Variants in AP3B2 observed in about 807,000 individuals in gnomAD.
The protein encoded by AP3B2 is adaptor related protein complex 3 subunit beta 2, also known as AP-3 complex subunit beta-2.
A neutral mutation model predicts 126.9 loss-of-function variants in AP3B2; 50 were observed. The ratio of observed to expected loss-of-function variants is 0.39; its 90% CI spans 0.31 to 0.50. The LOEUF (loss-of-function observed/expected upper bound fraction) is 0.50. Among genes scored for constraint, AP3B2 ranks in the 20% least tolerant of loss-of-function variants. The pLI, the probability that AP3B2 is intolerant of heterozygous loss-of-function variation, is 0.79. For missense variants in AP3B2, 1,177 were observed against 1,426.4 expected (o/e 0.83, Z 2.82); for synonymous variants, 541 against 565.0 (o/e 0.96, Z 0.60).
Position 82,661,936 on chromosome 15 carries a change from G to A in AP3B2, c.2919-14C>T, listed in dbSNP as rs1306960859. 6.2e-7 allele frequency: 1 copy of A among 1,607,646 alleles called. No homozygotes were observed. The highest frequency in any genetic ancestry group is 1.1e-5 in the South Asian group (1 of 90,600). Reference sequence around the variant, plus strand: ...CGGGTCTGGGTGCTGGGAGGGGTGGGAGGAAACGGAGAAGAATTAAGGCTG... The same window carrying A: ...CGGGTCTGGGTGCTGGGAGGGGTGGAAGGAAACGGAGAAGAATTAAGGCTG... On this transcript the variant is annotated splice_polypyrimidine_tract_variant and intron_variant, in intron 24 of 26. Transcript: ENST00000535359.
In AP3B2 at chr15:82,661,888, G is replaced by T; in HGVS notation, c.2953C>A (p.Pro985Thr). The T allele has an allele frequency of 6.2e-7, 1 of 1,613,922 alleles. No homozygotes were observed. The highest frequency in any genetic ancestry group is 8.5e-7 in the Non-Finnish European group (1 of 1,179,876). The part of the protein sequence containing the change: ...QTRQFYVSIQ[P>T]PVGELMAPVF... ...GGGGCCATCAGCTCCCCAACAGGTG[G>T]CTGAATGGAGACGTAGAACTGTCGG... Residue 985 changes from proline (P) to threonine (T), a missense_variant, in exon 25 of 27, where the codon CCA (proline) becomes ACA (threonine). This residue lies in a region of AP3B2 where 587 missense variants were observed against 571.3 expected (regional missense o/e 1.03). Coordinates refer to ENST00000535359, the MANE Select transcript of AP3B2 (RefSeq NM_001278512.2).
rs1209750362 is a variant in AP3B2 at position 82,682,091 on chromosome 15, C to T, written c.361-511G>A. Among the ~76,000 whole-genome samples the T allele has an allele frequency of 3.3e-5, 4 of 121,660 alleles. No individual in the cohort carries two copies. In the Admixed American group the frequency reaches 4.6e-4, roughly 14 times the overall value. 79.8% of individuals were successfully genotyped at this position (121,660 alleles called of 152,430 possible). ...TTTTTGAGATGGAGTCTCGCTCTGT[C>T]GCCAGGCTGGAGTGCGGTGGTGCAA... On this transcript the variant is annotated intron_variant, in intron 4 of 26. Coordinates refer to ENST00000535359, the MANE Select transcript of AP3B2 (RefSeq NM_001278512.2).
intron 14 of AP3B2, among the ~76,000 whole-genome samples, chr15:82,671,768 G>A (rs975620415): frequency 2.0e-5 from 3 of 150,026 alleles, no homozygotes; most frequent in African/African-American, 4.9e-5. Flanking sequence ...AATAGGCCAG[G>A]TGCAGTGGCT....
chr15:82,666,936 G>A lies in AP3B2; in HGVS notation c.1666-3C>T. 2 of 1,606,240 alleles carry A rather than the reference G, an allele frequency of 1.2e-6. No homozygotes were observed. Among genetic ancestry groups the A allele is most frequent in the Non-Finnish European group, 1.7e-6 (2 of 1,173,832 alleles). ...ACATACTGGGTCAGCAGCTTGGTCT[G>A]GAGGAACAGGAAGAGGTGGGTCAGC... On this transcript the variant is annotated splice_polypyrimidine_tract_variant and splice_region_variant and intron_variant, in intron 14 of 26. Transcript: ENST00000535359.
chr15:82,672,159 G>A (rs2048170036), intron 14 of AP3B2, among the ~76,000 whole-genome samples: 1 of 152,152 alleles, frequency 6.6e-6, no homozygotes, highest in Non-Finnish European at 1.5e-5. Context: ...GCACACCTAC[G>A]TTTATTGCAG....
rs1379156241 is a variant in AP3B2, at chr15:82,662,875, C to T, written c.2652G>A (p.Arg884=). Residue 884 remains arginine (R), a synonymous_variant, in exon 23 of 27, where the codon CGG becomes CGA. Transcript: ENST00000535359. The part of the protein sequence containing the change: ...SGVGRQELLH[R]VAGEGLAVDY... ...CCACAGCCAGCCCCTCGCCAGCTAC[C>T]CGGTGCAGCAGCTCCTGCCGCCCAA... 4.3e-6 allele frequency: 7 copies of T among 1,613,558 alleles called. No individual in the cohort carries two copies. The highest frequency in any genetic ancestry group is 5.9e-6 in the Non-Finnish European group (7 of 1,179,788).
chr15:82,672,845 G>C (rs971306198), intron 14 of AP3B2, among the ~76,000 whole-genome samples: 1 of 152,206 alleles, frequency 6.6e-6, no homozygotes, highest in Non-Finnish European at 1.5e-5. Flanking sequence ...ATCCGTGTTG[G>C]GAGGCCCCTA....
intron 1 of AP3B2, chr15:82,708,924 T>G (rs955920431): frequency 6.6e-6 from 1 of 152,262 alleles, no homozygotes; most frequent in African/African-American, 2.4e-5. Flanking sequence ...ATGTTCACAG[T>G]TGTATTCCGT....
intron 1 of AP3B2, among the ~76,000 whole-genome samples, chr15:82,700,730 C>A (rs1452130704): frequency 2.6e-5 from 4 of 151,740 alleles, no homozygotes; most frequent in African/African-American, 9.7e-5. Flanking sequence ...TTTGAAACCC[C>A]TTTGACCCTC....
Position 82,663,823 on chromosome 15 carries a change from G to C in AP3B2, c.2414C>G (p.Pro805Arg), listed in dbSNP as rs754439282. 1.9e-6 allele frequency: 3 copies of C among 1,613,526 alleles called. No homozygotes were observed. Among genetic ancestry groups the C allele is most frequent in the Non-Finnish European group, 2.5e-6 (3 of 1,179,736 alleles). ...TSESEEEQLE[P>R]ASWSRKTPPS... Reference sequence around the variant, plus strand: ...CACTGTTTTCCTGCTCCAGGAGGCAGGTTCTAACTGCTCCTCCTCGGACTC... The same window carrying C: ...CACTGTTTTCCTGCTCCAGGAGGCACGTTCTAACTGCTCCTCCTCGGACTC... The change falls in exon 20 of 27, where the codon CCT (proline) becomes CGT (arginine). Residue 805 changes from proline to arginine, a missense_variant. Physicochemically the swap from Pro to Arg is moderately radical, Grantham distance 103. This residue lies in a region of AP3B2 where 587 missense variants were observed against 571.3 expected (regional missense o/e 1.03). Coordinates refer to ENST00000535359, the MANE Select transcript of AP3B2 (RefSeq NM_001278512.2).
In AP3B2 at chr15:82,664,427, C is replaced by G; in HGVS notation, c.2201G>C (p.Ser734Thr). The G allele has an allele frequency of 6.2e-7, 1 of 1,613,956 alleles. No individual in the cohort carries two copies. Among genetic ancestry groups the G allele is most frequent in the Non-Finnish European group, 8.5e-7 (1 of 1,179,876 alleles). Residue 734 changes from serine (S) to threonine (T), a missense_variant, in exon 19 of 27, where the codon AGC becomes ACC. By Grantham distance (58) the Ser-to-Thr change is moderately conservative. Around this residue, in one of 5 missense-constraint regions of AP3B2, gnomAD observed 587 missense variants for 571.3 expected, o/e 1.03. Transcript: ENST00000535359. The surrounding 1 kb of genome is among the most constrained non-coding windows in gnomAD (Gnocchi z 4.5). Reference sequence around the variant, plus strand: ...CTGGTCTTCATTGTCGGACTCACTGCTGGACTCCCCAGAGCCGCTCTCACT... The same window carrying G: ...CTGGTCTTCATTGTCGGACTCACTGGTGGACTCCCCAGAGCCGCTCTCACT... ...SSSESGSGES[S>T]SESDNEDQDE...
intron 1 of AP3B2, among the ~76,000 whole-genome samples, chr15:82,698,918 C>CGAATATGCACTGACACA (rs962514832): frequency 6.6e-6 from 1 of 152,226 alleles, no homozygotes; most frequent in Non-Finnish European, 1.5e-5. Flanking sequence ...GATTGACTGT[C>CGAATATGCACTGACACA]GAATATGCAC....
intron 14 of AP3B2, among the ~76,000 whole-genome samples, chr15:82,672,055 C>T (rs1382594482): frequency 6.6e-6 from 1 of 152,040 alleles, no homozygotes; most frequent in Non-Finnish European, 1.5e-5. Context: ...AACAAACAAA[C>T]AAAAACTAAA....
At chr15:82,679,958 C>T (rs2048305308) in intron 9 of AP3B2, among the ~76,000 whole-genome samples, 158 bp from the exon 10 acceptor site, 1 of 152,164 alleles carries the variant, frequency 6.6e-6, no homozygotes. Context: ...TCAGATCTGA[C>T]TAGCTCTTTT....
At chr15:82,676,688 G>A in intron 13 of AP3B2, 51 bp from the exon 14 acceptor site, 1 of 1,587,626 alleles carries the variant, frequency 6.3e-7, no homozygotes, top group Non-Finnish European at 8.6e-7. Context: ...AAAGTGGGTG[G>A]GTAGGATTGT....
Position 82,665,372 on chromosome 15 carries a change from C to A in AP3B2, c.1972-69G>T. 1 of 1,471,328 alleles carries A rather than the reference C, an allele frequency of 6.8e-7. No individual in the cohort carries two copies. The highest frequency in any genetic ancestry group is 1.2e-5 in the South Asian group (1 of 86,552). 91.1% of individuals were successfully genotyped at this position (1,471,328 alleles called of 1,614,324 possible). On this transcript the variant is annotated intron_variant, in intron 16 of 26. Coordinates refer to ENST00000535359, the MANE Select transcript of AP3B2 (RefSeq NM_001278512.2). The surrounding 1 kb of genome is among the most constrained non-coding windows in gnomAD (Gnocchi z 4.4). ...GCCAGGGCTCCCTACTGTCTGCCCC[C>A]ACCAACACACACACACACACACACA... is the stretch of plus-strand genomic sequence containing the variant.
intron 1 of AP3B2, among the ~76,000 whole-genome samples, chr15:82,693,076 C>T (rs753696857): frequency 1.1e-3 from 168 of 151,834 alleles, no homozygotes; most frequent in Non-Finnish European, 1.6e-3. Flanking sequence ...CACCACGAGA[C>T]GATGATAAAA....
intron 1 of AP3B2, among the ~76,000 whole-genome samples, chr15:82,690,642 C>CTTTTTTTTTTTTTT (rs147811093): frequency 4.4e-5 from 3 of 68,926 alleles, no homozygotes; most frequent in African/African-American, 6.6e-5. Flanking sequence ...TTTTCTTCTT[C>CTTTTTTTTTTTTTT]TTTTTTTTTT....
Position 82,664,939 on chromosome 15 carries a change from G to A in AP3B2, c.2033C>T (p.Pro678Leu), listed in dbSNP as rs1169400625. Residue 678 changes from proline to leucine, a missense_variant, in exon 18 of 27, where the codon CCT becomes CTT. Pro to Leu is a moderately conservative substitution (Grantham distance 98). This residue lies in a region of AP3B2 where 587 missense variants were observed against 571.3 expected (regional missense o/e 1.03). Transcript: ENST00000535359. This position sits in a 1 kb window ranked among gnomAD's most constrained non-coding sequence, Gnocchi z 4.5. ...CCGATTTGAGCACTTGGTCCATTCAGGTACCTGGAGATGGGGGTAGGGTGC... is the reference window on the plus strand; with the variant it reads ...CCGATTTGAGCACTTGGTCCATTCAAGTACCTGGAGATGGGGGTAGGGTGC... ...VGLLGEYTEV[P>L]EWTKCSNREK... The A allele has an allele frequency of 1.2e-6, 2 of 1,604,232 alleles. No homozygotes were observed. Among genetic ancestry groups the A allele is most frequent in the Non-Finnish European group, 8.5e-7 (1 of 1,174,692 alleles).
Sources: allele counts gnomAD v4.1 joint callset (sites outside exome capture counted in the v4.1 genomes callset), GRCh38; gene constraint gnomAD v4.1.1; regional missense constraint gnomAD v4.1.1; non-coding constraint Gnocchi (gnomAD v3.1); transcripts MANE v1.5; gene names NCBI Gene and HGNC (gene_info 2026-07-23, HGNC 2026-07-21).